Variants in C17orf99 observed in about 807,000 individuals in gnomAD.
C17orf99 encodes the protein chromosome 17 open reading frame 99, also known as protein IL-40.
A neutral mutation model predicts 22.6 loss-of-function variants in C17orf99; 18 were observed. The observed-to-expected ratio is 0.80, with a 90% CI of 0.55 to 1.18. C17orf99 has a LOEUF of 1.18. Ranked by LOEUF, C17orf99 falls within the 50% of genes most tolerant of loss-of-function variation. The pLI, the probability that C17orf99 is intolerant of heterozygous loss-of-function variation, is 0.00. For synonymous variants in C17orf99, 147 were observed against 136.6 expected (o/e 1.08, Z -0.53); for missense variants, 328 against 342.7 (o/e 0.96, Z 0.34).
At position 78,166,175 on chromosome 17, in the gene C17orf99, A is replaced by C. The variant is rs2075616539; in HGVS notation, c.*129A>C. ...TGCCACAAAAAAAAAAAAAAAAAAAAAAGGGTAACTATGAGAGATGGTGGA... is the reference window on the plus strand; with the variant it reads ...TGCCACAAAAAAAAAAAAAAAAAAACAAGGGTAACTATGAGAGATGGTGGA... On this transcript the variant is annotated 3_prime_UTR_variant, in exon 5 of 5. Coordinates refer to ENST00000340363, the MANE Select transcript of C17orf99 (RefSeq NM_001163075.2). The C allele has an allele frequency of 2.5e-6, 1 of 396,296 alleles. No homozygotes were observed. Among genetic ancestry groups the C allele is most frequent in the African/African-American group, 2.1e-5 (1 of 48,542 alleles). 24.5% of individuals were successfully genotyped at this position (396,296 alleles called of 1,614,324 possible).
chr17:78,151,422 TCAA>T (rs2075482088), intron 2 of C17orf99, among the ~76,000 whole-genome samples: 1 of 22,828 alleles, frequency 4.4e-5, no homozygotes, highest in Non-Finnish European at 5.8e-5. Flanking sequence ...AGACTCTGTC[TCAA>T]AAAAAAAAAA....
At chr17:78,160,499 G>A (rs2075565082) in intron 2 of C17orf99, among the ~76,000 whole-genome samples, 1 of 149,618 alleles carries the variant, frequency 6.7e-6, no homozygotes, top group East Asian at 2.0e-4. Context: ...TCGCGCCACT[G>A]CACTCCAGCC....
intron 2 of C17orf99, among the ~76,000 whole-genome samples, chr17:78,156,332 G>GAAAAAAAAAAAAAAAAAAAAAAAAA (rs769438256): frequency 1.6e-5 from 1 of 63,390 alleles, no homozygotes; most frequent in Non-Finnish European, 3.1e-5. Flanking sequence ...TCCTTCTCCA[G>GAAAAAAAAAAAAAAAAAAAAAAAAA]AAAAAAAAAA....
rs768539292 is a variant in C17orf99 at position 78,164,350 on chromosome 17, C to G, written c.626C>G (p.Thr209Arg). ...NNANVQHSAL[T>R]VVPPGGDQKM... ...GCCAATGTCCAGCACAGCGCCCTCACAGTGGTGCCCCCAGGTGAGAGGGCC... is the reference window on the plus strand; with the variant it reads ...GCCAATGTCCAGCACAGCGCCCTCAGAGTGGTGCCCCCAGGTGAGAGGGCC... The change falls in exon 4 of 5, where the codon ACA becomes AGA. Residue 209 changes from threonine (T) to arginine (R), a missense_variant. Transcript: ENST00000340363. The G allele has an allele frequency of 1.9e-6, 3 of 1,551,508 alleles. No homozygotes were observed. The highest frequency in any genetic ancestry group is 2.6e-6 in the Non-Finnish European group (3 of 1,146,998).
intron 2 of C17orf99, chr17:78,158,112 C>A: frequency 1.1e-6 from 1 of 888,476 alleles, no homozygotes. Flanking sequence ...GGCAAAGAGA[C>A]TGAGCAGAAG....
At chr17:78,155,382 G>A (rs2075517630) in intron 2 of C17orf99, among the ~76,000 whole-genome samples, 2 of 152,022 alleles carry the variant, frequency 1.3e-5, no homozygotes, top group African/African-American at 2.4e-5. Flanking sequence ...CCGAGCAAAG[G>A]CAATTCATGA....
chr17:78,159,835 C>T (rs2075559091), intron 2 of C17orf99, among the ~76,000 whole-genome samples: 2 of 152,158 alleles, frequency 1.3e-5, no homozygotes, highest in Admixed American at 6.5e-5. Flanking sequence ...TTGCCCTTTG[C>T]GTCTGCCTTT....
intron 2 of C17orf99, chr17:78,157,851 G>T: frequency 1.0e-6 from 1 of 998,888 alleles, no homozygotes; most frequent in South Asian, 1.2e-5. Context: ...CTCAAAGGCC[G>T]GCCACGTAAG....
At position 78,146,887 on chromosome 17, in the gene C17orf99, A is replaced by C; in HGVS notation, c.46A>C (p.Ser16Arg). 6.4e-7 allele frequency: 1 copy of C among 1,551,508 alleles called. No homozygotes were observed. Among genetic ancestry groups the C allele is most frequent in the Non-Finnish European group, 8.7e-7 (1 of 1,146,836 alleles). The change falls in exon 2 of 5, where the codon AGC becomes CGC. Residue 16 changes from serine (S) to arginine (R), a missense_variant. Coordinates refer to ENST00000340363, the MANE Select transcript of C17orf99 (RefSeq NM_001163075.2). The surrounding 1 kb of genome is among the most constrained non-coding windows in gnomAD (Gnocchi z 5.2). ...LFCLAVLAASSFSKAREEEIT... is the reference protein window; with the variant it reads ...LFCLAVLAASRFSKAREEEIT... Reference sequence around the variant, plus strand: ...CCTTACCTCTCTTACAGCTGCCAGCAGCTTCTCCAAGGCACGGGAGGAAGG... The same window carrying C: ...CCTTACCTCTCTTACAGCTGCCAGCCGCTTCTCCAAGGCACGGGAGGAAGG...
intron 2 of C17orf99, among the ~76,000 whole-genome samples, chr17:78,147,693 C>G (rs1478290577): frequency 6.6e-6 from 1 of 152,176 alleles, no homozygotes; most frequent in Non-Finnish European, 1.5e-5. Context: ...GGGCCTTCCC[C>G]CTCTATTTTG....
chr17:78,164,534 A>C, intron 4 of C17orf99, 170 bp downstream of exon 4: 1 of 1,535,364 alleles, frequency 6.5e-7, no homozygotes, highest in Non-Finnish European at 8.7e-7. Context: ...GCCTAAAGGA[A>C]GCCCAACCCA....
At chr17:78,150,082 C>G (rs1484280693) in intron 2 of C17orf99, among the ~76,000 whole-genome samples, 1 of 151,642 alleles carries the variant, frequency 6.6e-6, no homozygotes, top group Non-Finnish European at 1.5e-5. Flanking sequence ...AAACTCGGCT[C>G]ACTGCAACCT....
intron 2 of C17orf99, among the ~76,000 whole-genome samples, chr17:78,149,058 G>A (rs557272285): frequency 4.6e-5 from 7 of 152,224 alleles, no homozygotes; most frequent in East Asian, 1.9e-4. Flanking sequence ...CAAGCCGGGC[G>A]CAGCTGCTCA....
intron 2 of C17orf99, chr17:78,157,334 C>T (rs1567819644): frequency 3.7e-5 from 24 of 649,946 alleles, no homozygotes; most frequent in South Asian, 4.8e-5. Flanking sequence ...TCAGCAGCGG[C>T]GGCGGCGGCG....
At position 78,146,870 on chromosome 17, in the gene C17orf99, C is replaced by G. The variant is rs1598938062; in HGVS notation, c.38-9C>G. On this transcript the variant is annotated splice_polypyrimidine_tract_variant and intron_variant, in intron 1 of 4. Transcript: ENST00000340363. The surrounding 1 kb of genome is among the most constrained non-coding windows in gnomAD (Gnocchi z 5.2). ...GGCCCTCTCCTTATCGCCCTTACCT[C>G]TCTTACAGCTGCCAGCAGCTTCTCC... The G allele has an allele frequency of 4.5e-6, 7 of 1,551,336 alleles. No individual in the cohort carries two copies. Among genetic ancestry groups the G allele is most frequent in the Non-Finnish European group, 6.1e-6 (7 of 1,146,812 alleles).
At chr17:78,153,407 C>G (rs2075500606) in intron 2 of C17orf99, among the ~76,000 whole-genome samples, 1 of 151,948 alleles carries the variant, frequency 6.6e-6, no homozygotes, top group African/African-American at 2.4e-5. Context: ...ATCACTTGAA[C>G]CCAGGAGGCG....
intron 2 of C17orf99, among the ~76,000 whole-genome samples, chr17:78,154,711 G>A (rs1011452382): frequency 4.0e-5 from 6 of 151,714 alleles, no homozygotes; most frequent in East Asian, 1.9e-4. Flanking sequence ...GCATGGTGAC[G>A]CATGCCTGTA....
In C17orf99 at chr17:78,146,508, G is replaced by C; in HGVS notation, c.37+64G>C. ...GGGCCTTGAGGTCTTGGGCTCAGGT[G>C]GGGGTACTGGGAGCACAGGAGAGAT... On this transcript the variant is annotated intron_variant, in intron 1 of 4. Coordinates refer to ENST00000340363, the MANE Select transcript of C17orf99 (RefSeq NM_001163075.2). The surrounding 1 kb of genome is among the most constrained non-coding windows in gnomAD (Gnocchi z 5.2). 1.4e-6 allele frequency: 2 copies of C among 1,434,130 alleles called. No homozygotes were observed. The highest frequency in any genetic ancestry group is 2.0e-5 in the Admixed American group (1 of 50,776). 88.8% of individuals were successfully genotyped at this position (1,434,130 alleles called of 1,614,324 possible).
intron 2 of C17orf99, among the ~76,000 whole-genome samples, chr17:78,155,373 C>G (rs541966970): frequency 1.5e-4 from 23 of 152,120 alleles, no homozygotes; most frequent in African/African-American, 5.3e-4. Flanking sequence ...CATGCCCAGC[C>G]GAGCAAAGGC....
Sources: gnomAD v4.1 joint callset for allele counts (sites outside exome capture counted in the v4.1 genomes callset) on GRCh38, gnomAD v4.1.1 for gene constraint, Gnocchi (gnomAD v3.1) non-coding constraint, MANE v1.5 for transcripts, NCBI Gene and HGNC (gene_info 2026-07-23, HGNC 2026-07-21) for gene names.